AQP9: variants seen among roughly 807,000 people sequenced by gnomAD.
The protein encoded by AQP9 is aquaporin-9.
A neutral mutation model predicts 23.8 loss-of-function variants in AQP9; 19 were observed. That is an observed-to-expected ratio of 0.80 (90% CI 0.56 to 1.17). AQP9 has a LOEUF of 1.17. AQP9 is among the 50% of genes most tolerant of loss of function. The pLI is 0.00. For missense variants in AQP9, 413 were observed against 362.0 expected (o/e 1.14, Z -1.14); for synonymous variants, 153 against 131.5 (o/e 1.16, Z -1.12).
intron 5 of AQP9, among the ~76,000 whole-genome samples, chr15:58,182,401 G>C (rs1185215578): frequency 6.6e-6 from 1 of 152,096 alleles, no homozygotes; most frequent in Non-Finnish European, 1.5e-5. Context: ...CTCCATTTGT[G>C]ACTTGTGAAC....
chr15:58,168,169 C>T (rs1595739703), intron 2 of AQP9, among the ~76,000 whole-genome samples: 1 of 151,992 alleles, frequency 6.6e-6, no homozygotes, highest in East Asian at 1.9e-4. Context: ...GCTAGGACTA[C>T]AGGTACGAGC....
chr15:58,182,881 G>C (rs1482263330), intron 5 of AQP9, among the ~76,000 whole-genome samples: 3 of 152,176 alleles, frequency 2.0e-5, no homozygotes, highest in African/African-American at 7.2e-5. Flanking sequence ...ATGGGGGTTT[G>C]ATTTGCTCAA....
In AQP9 at chr15:58,156,507, A is replaced by T. The variant is rs147837137; in HGVS notation, c.112-10166A>T. Among the ~76,000 whole-genome samples the T allele has an allele frequency of 1.9e-3, 292 of 152,324 alleles. 2 individuals are homozygous for T. The highest frequency in any genetic ancestry group is 0.014 in the Middle Eastern group (4 of 294). On this transcript the variant is annotated intron_variant, in intron 1 of 5. Transcript: ENST00000219919. ...CTAAAAATCCTTAACATTACATAGT[A>T]CATTAAATCATTCATCGAACATAGC...
At chr15:58,142,886 T>C (rs1252318069) in intron 1 of AQP9, among the ~76,000 whole-genome samples, 1 of 152,164 alleles carries the variant, frequency 6.6e-6, no homozygotes, top group East Asian at 1.9e-4. Context: ...GGCCAACAGA[T>C]GCTAGATCAG....
At position 58,174,907 on chromosome 15, in the gene AQP9, C is replaced by G; in HGVS notation, c.377-11C>G. The G allele has an allele frequency of 6.2e-7, 1 of 1,610,844 alleles. No homozygotes were observed. The highest frequency in any genetic ancestry group is 8.5e-7 in the Non-Finnish European group (1 of 1,176,984). On this transcript the variant is annotated splice_polypyrimidine_tract_variant and intron_variant, in intron 3 of 5. Coordinates refer to ENST00000219919, the MANE Select transcript of AQP9 (RefSeq NM_020980.5). ...GGGAACACTAATGTGCCAGAGCTTTCTCTTTCATAGATGGACTTATGTCCT... is the reference window on the plus strand; with the variant it reads ...GGGAACACTAATGTGCCAGAGCTTTGTCTTTCATAGATGGACTTATGTCCT...
At chr15:58,178,027 C>T (rs1330580378) in intron 4 of AQP9, among the ~76,000 whole-genome samples, 4 of 152,020 alleles carry the variant, frequency 2.6e-5, no homozygotes, top group African/African-American at 9.7e-5. Context: ...TGTCATTATT[C>T]CCTAAACAAT....
At position 58,184,758 on chromosome 15, in the gene AQP9, A is replaced by G. The variant is rs1898979136; in HGVS notation, c.*623A>G. 6.6e-6 allele frequency: 1 copy of G among 152,218 alleles called. No homozygotes were observed. The highest frequency in any genetic ancestry group is 2.4e-5 in the African/African-American group (1 of 41,458). 9.4% of individuals were successfully genotyped at this position (152,218 alleles called of 1,614,324 possible). ...GCATTCAGAAACTGCAGGAGACAAG[A>G]TGAATTTGAGAAGCCAAATGGAATT... On this transcript the variant is annotated 3_prime_UTR_variant, in exon 6 of 6. Coordinates refer to ENST00000219919, the MANE Select transcript of AQP9 (RefSeq NM_020980.5).
chr15:58,140,315 C>T (rs1897930347), intron 1 of AQP9, among the ~76,000 whole-genome samples: 1 of 151,842 alleles, frequency 6.6e-6, no homozygotes, highest in Admixed American at 6.6e-5. Flanking sequence ...CAGCAGTTCA[C>T]TGTTCAACTG....
At position 58,185,626 on chromosome 15, in the gene AQP9, T is replaced by C. The variant is rs182169803; in HGVS notation, c.*1491T>C. ...GCTCAGTCTTTTCCCCTTGAAGTTC[T>C]CTAATAGATGTTACTTTTGACAAAA... On this transcript the variant is annotated 3_prime_UTR_variant, in exon 6 of 6. Transcript: ENST00000219919. 63 of 152,342 alleles carry C rather than the reference T, an allele frequency of 4.1e-4. No homozygotes were observed. The highest frequency in any genetic ancestry group is 1.4e-3 in the African/African-American group (58 of 41,574). 9.4% of individuals were successfully genotyped at this position (152,342 alleles called of 1,614,324 possible). A position where few individuals can be genotyped will look rare whatever the true frequency, so the allele number is the denominator to read the frequency against.
intron 1 of AQP9, among the ~76,000 whole-genome samples, chr15:58,160,204 A>C: frequency 6.6e-6 from 1 of 151,800 alleles, no homozygotes; most frequent in East Asian, 1.9e-4. Context: ...GTGAGACGCT[A>C]TCTCATTGTG....
At chr15:58,161,028 CA>C (rs2140609564) in intron 1 of AQP9, among the ~76,000 whole-genome samples, 2 of 152,228 alleles carry the variant, frequency 1.3e-5, no homozygotes, top group Admixed American at 1.3e-4. Context: ...TGAGGTAAGG[CA>C]ATGGAGAGCC....
chr15:58,162,327 T>C (rs1200576632), intron 1 of AQP9, among the ~76,000 whole-genome samples: 1 of 152,214 alleles, frequency 6.6e-6, no homozygotes, highest in Non-Finnish European at 1.5e-5. Context: ...CCTCCACTTA[T>C]TGCAATGCCT....
In AQP9 at chr15:58,180,411, C is replaced by G. The variant is rs1428931809; in HGVS notation, c.713+1066C>G. ...TAACTGGTACCATTGAGATCACCAC[C>G]ACAGATAGCACTCAGAGCATCTAGA... On this transcript the variant is annotated intron_variant, in intron 5 of 5. Transcript: ENST00000219919. 3.3e-5 allele frequency among the ~76,000 whole-genome samples: 5 copies of G among 152,282 alleles called. No homozygotes were observed. The East Asian group carries it at 5.8e-4, about 18-fold the overall frequency.
chr15:58,179,802 G>A (rs1199581105), intron 5 of AQP9, among the ~76,000 whole-genome samples: 1 of 152,084 alleles, frequency 6.6e-6, no homozygotes, highest in Non-Finnish European at 1.5e-5. Context: ...CTGTGCTTTA[G>A]TCACTGTGCT....
In AQP9 at chr15:58,138,464, C is replaced by A; in HGVS notation, c.-102C>A. 2.4e-6 allele frequency: 2 copies of A among 835,568 alleles called. No individual in the cohort carries two copies. Among genetic ancestry groups the A allele is most frequent in the Non-Finnish European group, 3.9e-6 (2 of 518,998 alleles). 51.8% of individuals were successfully genotyped at this position (835,568 alleles called of 1,614,324 possible). A position where few individuals can be genotyped will look rare whatever the true frequency, so the allele number is the denominator to read the frequency against. ...ACTCTTACCAGACATCTCCAGGAAT[C>A]TGTGAGCCATTGTCAAAACGTCCAT... On this transcript the variant is annotated 5_prime_UTR_variant, in exon 1 of 6. The change creates a new upstream start codon in the 5' untranslated region. Transcript: ENST00000219919.
chr15:58,182,353 T>C (rs1294136402), intron 5 of AQP9, among the ~76,000 whole-genome samples: 2 of 152,158 alleles, frequency 1.3e-5, no homozygotes, highest in African/African-American at 2.4e-5. Flanking sequence ...TTTGTGTGCA[T>C]ATAGGACTAG....
At chr15:58,171,050 G>A (rs557928355) in intron 2 of AQP9, among the ~76,000 whole-genome samples, 3 of 151,264 alleles carry the variant, frequency 2.0e-5, no homozygotes, top group South Asian at 2.1e-4. Flanking sequence ...TCAGTCTCCT[G>A]AGTAGCCAGG....
chr15:58,182,181 A>G (rs1898903694), intron 5 of AQP9, among the ~76,000 whole-genome samples: 1 of 152,204 alleles, frequency 6.6e-6, no homozygotes, highest in Non-Finnish European at 1.5e-5. Flanking sequence ...CTCTCCACTT[A>G]TTCACATTGT....
chr15:58,160,918 T>G (rs2140609440), intron 1 of AQP9, among the ~76,000 whole-genome samples: 1 of 152,238 alleles, frequency 6.6e-6, no homozygotes, highest in East Asian at 1.9e-4. Flanking sequence ...TGAAAATAAG[T>G]GTCATCAGCT....
Sources: gnomAD v4.1 joint callset for allele counts (sites outside exome capture counted in the v4.1 genomes callset) on GRCh38, gnomAD v4.1.1 for gene constraint, MANE v1.5 for transcripts, NCBI Gene and HGNC (gene_info 2026-07-23, HGNC 2026-07-21) for gene names.